MAD1L1: variants seen among roughly 807,000 people sequenced by gnomAD.
The protein encoded by MAD1L1 is mitotic spindle assembly checkpoint protein MAD1.
MAD1L1 carries 95 observed loss-of-function variants against 96.9 expected under a neutral mutation model. The ratio of observed to expected loss-of-function variants is 0.98; its 90% CI spans 0.83 to 1.16. MAD1L1 has a LOEUF of 1.16. MAD1L1 is among the 50% of genes most tolerant of loss of function. The pLI is 0.00. For missense variants in MAD1L1, 1,007 were observed against 954.4 expected (o/e 1.06, Z -0.73); for synonymous variants, 473 against 396.6 (o/e 1.19, Z -2.29).
intron 12 of MAD1L1, among the ~76,000 whole-genome samples, chr7:2,047,648 A>G (rs749656934): frequency 3.9e-5 from 6 of 152,248 alleles, no homozygotes; most frequent in Non-Finnish European, 8.8e-5. Context: ...CCAGTGTTCC[A>G]GAATGGTAAG....
intron 16 of MAD1L1, among the ~76,000 whole-genome samples, chr7:1,946,288 C>T (rs1344891814): frequency 2.0e-5 from 3 of 152,180 alleles, no homozygotes; most frequent in Non-Finnish European, 4.4e-5. Flanking sequence ...CTGCCCCGGC[C>T]CCGTGCACCC....
At chr7:2,225,733 G>T in intron 3 of MAD1L1, 183 bp from the exon 4 acceptor site, 1 of 635,496 alleles carries the variant, frequency 1.6e-6, no homozygotes, top group Non-Finnish European at 2.7e-6. Flanking sequence ...AAACGGGAAG[G>T]TGAAAAAGCC....
At chr7:2,012,230 T>C (rs1340591682) in intron 13 of MAD1L1, among the ~76,000 whole-genome samples, 2 of 152,212 alleles carry the variant, frequency 1.3e-5, no homozygotes, top group African/African-American at 4.8e-5. Context: ...CTGACAGCCC[T>C]GATCGCCTTA....
At position 2,208,904 on chromosome 7, in the gene MAD1L1, G is replaced by A. The variant is rs139243083; in HGVS notation, c.986+4308C>T. Among the ~76,000 whole-genome samples the A allele has an allele frequency of 4.6e-3, 704 of 151,942 alleles. 7 individuals are homozygous for A. Among genetic ancestry groups the A allele is most frequent in the African/African-American group, 0.016 (659 of 41,410 alleles). On this transcript the variant is annotated intron_variant, in intron 10 of 18. Transcript: ENST00000265854. ...CCTGGGAGACCAAGCTGATCACATC[G>A]CTGCCTCCAGACACACGCCTCGCAC... is the stretch of plus-strand genomic sequence containing the variant.
At chr7:2,186,527 A>G (rs10226475) in intron 10 of MAD1L1, among the ~76,000 whole-genome samples, 52,135 of 152,166 alleles carry the variant, frequency 0.34, 9,501 homozygotes, top group East Asian at 0.57. Context: ...CCTGGGATAC[A>G]GCAGAATTTG....
chr7:1,955,716 T>C (rs1269493965), intron 16 of MAD1L1, among the ~76,000 whole-genome samples: 1 of 152,146 alleles, frequency 6.6e-6, no homozygotes, highest in Non-Finnish European at 1.5e-5. Flanking sequence ...ACAGGCTGAG[T>C]ACTCTGGGGT....
chr7:1,921,180 G>A (rs112539405), intron 17 of MAD1L1, among the ~76,000 whole-genome samples: 7,507 of 152,264 alleles, frequency 0.049, 272 homozygotes, highest in Admixed American at 0.1. Flanking sequence ...TGAGGGAGGC[G>A]GCCCTGAGGC....
intron 18 of MAD1L1, among the ~76,000 whole-genome samples, chr7:1,834,772 A>G (rs577473016): frequency 1.3e-5 from 2 of 152,220 alleles, no homozygotes; most frequent in African/African-American, 2.4e-5. Flanking sequence ...ACTCTTTAAG[A>G]AAACTGAAGA....
chr7:1,830,924 T>A (rs1473073753), intron 18 of MAD1L1, among the ~76,000 whole-genome samples: 1 of 152,242 alleles, frequency 6.6e-6, no homozygotes, highest in Admixed American at 6.5e-5. Context: ...TAAATGTAAA[T>A]GGCCCAGTGA....
intron 18 of MAD1L1, among the ~76,000 whole-genome samples, chr7:1,821,058 G>T (rs1388623644): frequency 8.5e-5 from 11 of 128,740 alleles, no homozygotes; most frequent in African/African-American, 3.3e-4. Flanking sequence ...TCCAGCCTGA[G>T]CAACACAGCG....
rs561240985 is a variant in MAD1L1 at position 1,840,936 on chromosome 7, G to A, written c.1999-24708C>T. 4.3e-3 allele frequency among the ~76,000 whole-genome samples: 654 copies of A among 152,352 alleles called. 1 individual carries two copies. The highest frequency in any genetic ancestry group is 5.2e-3 in the Non-Finnish European group (354 of 68,040). On this transcript the variant is annotated intron_variant, in intron 18 of 18. Coordinates refer to ENST00000265854, the MANE Select transcript of MAD1L1 (RefSeq NM_001013836.2). ...CGAGAGGCCACGCAGGCCAAGCCAG[G>A]ATAGAGCAAACCCTGGCGGGGCCAG... is the stretch of plus-strand genomic sequence containing the variant.
At chr7:1,838,117 C>T (rs933850361) in intron 18 of MAD1L1, among the ~76,000 whole-genome samples, 2 of 152,222 alleles carry the variant, frequency 1.3e-5, no homozygotes, top group African/African-American at 4.8e-5. Context: ...CCGAAACCCA[C>T]GCCAACACCC....
chr7:2,155,599 G>A (rs914036153), intron 10 of MAD1L1, among the ~76,000 whole-genome samples: 3 of 152,142 alleles, frequency 2.0e-5, no homozygotes, highest in South Asian at 2.1e-4. Flanking sequence ...TTGGCATCAC[G>A]TCCTCAAGGC....
rs866455536 is a variant in MAD1L1 at position 2,191,219 on chromosome 7, C to A, written c.986+21993G>T. On this transcript the variant is annotated intron_variant, in intron 10 of 18. Coordinates refer to ENST00000265854, the MANE Select transcript of MAD1L1 (RefSeq NM_001013836.2). The stretch of plus-strand genomic sequence containing the variant: ...CCACATAATTCCAGACGAAACAAAA[C>A]CACGGTGACAGCCAGACTGAGGGCA... Among the ~76,000 whole-genome samples, 14 of 152,264 alleles carry A rather than the reference C, an allele frequency of 9.2e-5. No individual in the cohort carries two copies. The South Asian group carries it at 2.7e-3, about 29-fold the overall frequency.
At chr7:2,139,888 A>G (rs376848714) in intron 11 of MAD1L1, among the ~76,000 whole-genome samples, 15 of 152,344 alleles carry the variant, frequency 9.8e-5, no homozygotes, top group African/African-American at 3.4e-4. Flanking sequence ...GTAACAATAC[A>G]GATCAGAAAA....
intron 13 of MAD1L1, among the ~76,000 whole-genome samples, chr7:2,013,879 C>T (rs530425521): frequency 6.6e-6 from 1 of 152,244 alleles, no homozygotes; most frequent in Admixed American, 6.5e-5. Context: ...CAGGTGAGAG[C>T]TGCTCAGAGC....
At chr7:2,041,939 G>A (rs1255132135) in intron 12 of MAD1L1, among the ~76,000 whole-genome samples, 1 of 152,166 alleles carries the variant, frequency 6.6e-6, no homozygotes, top group African/African-American at 2.4e-5. Context: ...AGAGAGGCGA[G>A]CAGAGCCTGC....
chr7:1,966,831 C>T (rs1457628570), intron 15 of MAD1L1, among the ~76,000 whole-genome samples: 3 of 152,212 alleles, frequency 2.0e-5, no homozygotes, highest in East Asian at 1.9e-4. Flanking sequence ...GGCCGCGGGC[C>T]GCGCTGCGTG....
Position 2,103,910 on chromosome 7 carries a change from C to G in MAD1L1, c.1074-34572G>C, listed in dbSNP as rs557755688. Among the ~76,000 whole-genome samples, 215 of 152,346 alleles carry G rather than the reference C, an allele frequency of 1.4e-3. No homozygotes were observed. The highest frequency in any genetic ancestry group is 5.0e-3 in the African/African-American group (207 of 41,578). The stretch of plus-strand genomic sequence containing the variant: ...AGTTCTGATGCCACGCCATACAACA[C>G]TCCACCCCGCTGGACGTCGGAGAAA... On this transcript the variant is annotated intron_variant, in intron 11 of 18. Transcript: ENST00000265854. This position sits in a 1 kb window ranked among gnomAD's most constrained non-coding sequence, Gnocchi z 4.3.
Sources: allele counts gnomAD v4.1 joint callset (sites outside exome capture counted in the v4.1 genomes callset), GRCh38; gene constraint gnomAD v4.1.1; non-coding constraint Gnocchi (gnomAD v3.1); transcripts MANE v1.5; gene names NCBI Gene and HGNC (gene_info 2026-07-23, HGNC 2026-07-21).